SNX29: variants seen among roughly 807,000 people sequenced by gnomAD.
The protein encoded by SNX29 is sorting nexin-29.
In SNX29, 78 loss-of-function variants were observed where a neutral mutation model predicts 102.1. The observed-to-expected ratio is 0.76, with a 90% CI of 0.64 to 0.92. The LOEUF (loss-of-function observed/expected upper bound fraction) is 0.92, where lower values mean the gene tolerates loss of function less well. Among genes scored for constraint, SNX29 ranks in the 40% least tolerant of loss-of-function variants. SNX29 has a pLI of 0.00. For missense variants in SNX29, 1,280 were observed against 1,061.7 expected (o/e 1.21, Z -2.86); for synonymous variants, 580 against 414.5 (o/e 1.40, Z -4.85).
intron 11 of SNX29, chr16:12,087,560 G>A (rs2052266864): frequency 6.1e-6 from 2 of 329,756 alleles, no homozygotes; most frequent in Non-Finnish European, 1.2e-5. Context: ...TCATGACACT[G>A]TACCCCAGCC....
At chr16:12,436,395 G>C (rs190934534) in intron 18 of SNX29, among the ~76,000 whole-genome samples, 6 of 152,242 alleles carry the variant, frequency 3.9e-5, no homozygotes, top group African/African-American at 1.4e-4. Flanking sequence ...AGTGCGATGC[G>C]TGACATTTCC....
chr16:12,251,863 AG>A lies in SNX29; in HGVS notation c.1679-26069del, dbSNP rs768201546. On this transcript the variant is annotated intron_variant, in intron 14 of 20. Coordinates refer to ENST00000566228, the MANE Select transcript of SNX29 (RefSeq NM_032167.5). ...CAGCCTCGAGCTTCTGGACTCAGGC[AG>A]TCCTCTTGACTCAGCCTCCCCAGTA... Among the ~76,000 whole-genome samples the A allele has an allele frequency of 3.3e-5, 5 of 152,030 alleles. No homozygotes were observed. In the South Asian group the frequency reaches 1.0e-3, roughly 32 times the overall value.
At chr16:12,314,703 T>A (rs2080675047) in intron 15 of SNX29, among the ~76,000 whole-genome samples, 1 of 152,230 alleles carries the variant, frequency 6.6e-6, no homozygotes, top group African/African-American at 2.4e-5. Flanking sequence ...CTTGGTGGAT[T>A]TTATAACACT....
chr16:12,048,388 C>A lies in SNX29; in HGVS notation c.516C>A (p.Leu172=). Residue 172 remains leucine (L), a synonymous_variant, in exon 7 of 21, where the codon CTC becomes CTA. Coordinates refer to ENST00000566228, the MANE Select transcript of SNX29 (RefSeq NM_032167.5). ...PTMAAGLNSI[L]FAINIDNKDL... is the part of the protein sequence containing the mutation. ...TTTGGGCAGGTCTGAACTCCATACT[C>A]TTTGCGATTAACATCGACAACAAGG... is the stretch of plus-strand genomic sequence containing the variant. 1 of 1,613,904 alleles carries A rather than the reference C, an allele frequency of 6.2e-7. No homozygotes were observed. The highest frequency in any genetic ancestry group is 8.5e-7 in the Non-Finnish European group (1 of 1,179,866).
intron 1 of SNX29, chr16:11,983,598 G>A: frequency 1.0e-6 from 1 of 961,868 alleles, no homozygotes; most frequent in Non-Finnish European, 1.2e-6. Context: ...TGGAATGCAA[G>A]AAGTACATGT....
intron 16 of SNX29, among the ~76,000 whole-genome samples, chr16:12,386,111 T>A (rs963178585): frequency 6.6e-6 from 1 of 152,192 alleles, no homozygotes; most frequent in South Asian, 2.1e-4. Context: ...CAAAACATCT[T>A]CTTTCCTCAC....
At chr16:12,351,443 T>C (rs996530113) in intron 15 of SNX29, among the ~76,000 whole-genome samples, 1 of 152,158 alleles carries the variant, frequency 6.6e-6, no homozygotes, top group African/African-American at 2.4e-5. Flanking sequence ...TCAGTTGCTA[T>C]TGAAATTTTG....
intron 18 of SNX29, among the ~76,000 whole-genome samples, chr16:12,418,678 C>T (rs1432222131): frequency 6.6e-6 from 1 of 152,166 alleles, no homozygotes; most frequent in African/African-American, 2.4e-5. Flanking sequence ...CCGTGCCCAG[C>T]TAATTTTTGT....
At chr16:12,376,251 T>G (rs1221600449) in intron 16 of SNX29, among the ~76,000 whole-genome samples, 2 of 152,062 alleles carry the variant, frequency 1.3e-5, no homozygotes, top group East Asian at 3.9e-4. Context: ...CCTGGCACCT[T>G]TACTGGCCCC....
chr16:12,305,366 C>T (rs577437253), intron 15 of SNX29, among the ~76,000 whole-genome samples: 7 of 152,312 alleles, frequency 4.6e-5, no homozygotes, highest in African/African-American at 1.7e-4. Context: ...GGCAGTAATC[C>T]CTGCCCAAGG....
intron 18 of SNX29, among the ~76,000 whole-genome samples, chr16:12,471,276 G>A (rs989267735): frequency 1.3e-5 from 2 of 152,200 alleles, no homozygotes; most frequent in African/African-American, 4.8e-5. Context: ...GTGTGTCTGA[G>A]ATAAATTTTA....
intron 20 of SNX29, among the ~76,000 whole-genome samples, chr16:12,550,558 AAT>A (rs1237801860): frequency 6.6e-6 from 1 of 151,864 alleles, no homozygotes; most frequent in East Asian, 1.9e-4. Context: ...CCAAACACCA[AAT>A]ATGAGGATAT....
At position 12,502,122 on chromosome 16, in the gene SNX29, C is replaced by T. The variant is rs2089154619; in HGVS notation, c.2179-22580C>T. Among the ~76,000 whole-genome samples, 4 of 152,304 alleles carry T rather than the reference C, an allele frequency of 2.6e-5. No individual in the cohort carries two copies. In the South Asian group the frequency reaches 8.3e-4, roughly 32 times the overall value. On this transcript the variant is annotated intron_variant, in intron 19 of 20. Transcript: ENST00000566228. ...CTCCGAGCTGGGCAGGCAACATGCT[C>T]CGTCCAGATGTGCGAGACTTGGAAG... is the stretch of plus-strand genomic sequence containing the variant.
rs372289298 is a variant in SNX29, at chr16:12,069,055, A to T, written c.1244-2A>T. 28 of 1,613,788 alleles carry T rather than the reference A, an allele frequency of 1.7e-5. No individual in the cohort carries two copies. The highest frequency in any genetic ancestry group is 2.2e-5 in the Non-Finnish European group (26 of 1,179,832). ...CTTTCTGTGATTGCTCTCTCTGCAC[A>T]GATGCCCCCCTCGGAAGCCTGGAGA... is the stretch of plus-strand genomic sequence containing the variant. On this transcript the variant is annotated splice_acceptor_variant, in intron 9 of 20. Coordinates refer to ENST00000566228, the MANE Select transcript of SNX29 (RefSeq NM_032167.5). LOFTEE classifies it high-confidence loss of function.
intron 3 of SNX29, among the ~76,000 whole-genome samples, chr16:12,023,680 A>G (rs1250809786): frequency 1.3e-5 from 2 of 152,130 alleles, no homozygotes; most frequent in African/African-American, 2.4e-5. Context: ...CCCATATAAG[A>G]TGGTTCATTA....
intron 16 of SNX29, among the ~76,000 whole-genome samples, chr16:12,379,055 A>G (rs2082981120): frequency 6.6e-6 from 1 of 152,114 alleles, no homozygotes; most frequent in Non-Finnish European, 1.5e-5. Context: ...TGGTTTCCCA[A>G]CAGGAGAGTG....
At chr16:12,193,802 G>T (rs999164674) in intron 13 of SNX29, among the ~76,000 whole-genome samples, 2 of 152,174 alleles carry the variant, frequency 1.3e-5, no homozygotes, top group African/African-American at 4.8e-5. Flanking sequence ...GCTTGATTGT[G>T]TGTATGGGTT....
intron 15 of SNX29, among the ~76,000 whole-genome samples, chr16:12,309,948 T>G (rs1308169262): frequency 6.6e-6 from 1 of 152,202 alleles, no homozygotes; most frequent in East Asian, 1.9e-4. Flanking sequence ...TGATACTTCT[T>G]GAGCTAAATA....
chr16:12,441,376 C>T (rs746734789), intron 18 of SNX29, among the ~76,000 whole-genome samples: 1 of 152,132 alleles, frequency 6.6e-6, no homozygotes, highest in Non-Finnish European at 1.5e-5. Context: ...GTGTGAGCCA[C>T]CACGCCTGGC....
Sources: allele counts gnomAD v4.1 joint callset (sites outside exome capture counted in the v4.1 genomes callset), GRCh38; gene constraint gnomAD v4.1.1; transcripts MANE v1.5; gene names NCBI Gene and HGNC (gene_info 2026-07-23, HGNC 2026-07-21).